The following STK39 variants were observed in gnomAD, a reference collection of about 807,000 sequenced individuals.
The protein encoded by STK39 is STE20/SPS1-related proline-alanine-rich protein kinase.
STK39 carries 20 observed loss-of-function variants against 77.8 expected under a neutral mutation model. The observed-to-expected ratio is 0.26, with a 90% CI of 0.18 to 0.37. STK39 has a LOEUF of 0.37. STK39 is among the 10% of genes least tolerant of loss of function. The probability of loss-of-function intolerance (pLI) is 1.00; values close to 1 mark genes in which losing one functional copy is unlikely to be tolerated. For synonymous variants in STK39, 246 were observed against 234.1 expected, an observed-to-expected ratio of 1.05 and a Z score of -0.47; for missense variants, 479 against 656.5, an observed-to-expected ratio of 0.73 and a Z score of 2.95.
At chr2:168,175,801 A>G (rs1482851203) in intron 2 of STK39, among the ~76,000 whole-genome samples, 1 of 152,204 alleles carries the variant, frequency 6.6e-6, no homozygotes, top group Non-Finnish European at 1.5e-5. Flanking sequence ...AAGTTGCAAG[A>G]AAAAGATAAC....
chr2:168,217,541 T>C (rs898093251), intron 1 of STK39, among the ~76,000 whole-genome samples: 7 of 152,174 alleles, frequency 4.6e-5, no homozygotes, highest in Non-Finnish European at 7.4e-5. Context: ...AAAAAAGATA[T>C]ACAGTTGCCC....
chr2:168,115,962 T>C (rs926093084), intron 10 of STK39, among the ~76,000 whole-genome samples: 3 of 152,190 alleles, frequency 2.0e-5, no homozygotes, highest in African/African-American at 7.2e-5. Flanking sequence ...AAGAAGCCAC[T>C]GAACAGTCTC....
At chr2:168,161,218 T>C (rs961355771) in intron 5 of STK39, among the ~76,000 whole-genome samples, 2 of 152,176 alleles carry the variant, frequency 1.3e-5, no homozygotes, top group South Asian at 4.2e-4. Context: ...AAGGTTACTC[T>C]AGGGCCAATA....
chr2:167,996,056 T>C (rs971462279), intron 16 of STK39, among the ~76,000 whole-genome samples: 1 of 152,124 alleles, frequency 6.6e-6, no homozygotes, highest in African/African-American at 2.4e-5. Context: ...GCTGGTCCTG[T>C]TAATATGTAC....
chr2:168,002,838 G>C (rs60534777), intron 16 of STK39, among the ~76,000 whole-genome samples: 23,863 of 151,966 alleles, frequency 0.16, 2,243 homozygotes, highest in East Asian at 0.41. Context: ...GTTTGTGTTC[G>C]TGTGTGTGTG....
chr2:168,047,284 T>C (rs1321767380), intron 14 of STK39, among the ~76,000 whole-genome samples: 19 of 152,218 alleles, frequency 1.2e-4, no homozygotes, highest in Admixed American at 8.5e-4. Flanking sequence ...TCCTGTGTGA[T>C]TTACAATGTT....
chr2:168,000,587 G>C (rs1683974950), intron 16 of STK39, among the ~76,000 whole-genome samples: 1 of 152,168 alleles, frequency 6.6e-6, no homozygotes, highest in South Asian at 2.1e-4. Flanking sequence ...AAGAATTAGA[G>C]GCAAAATAGT....
rs374027235 is a variant in STK39 at position 168,088,360 on chromosome 2, C to T, written c.1090-13129G>A. On this transcript the variant is annotated intron_variant, in intron 10 of 17. Transcript: ENST00000355999. ...GGCTCTCTGAAAAAGTAGGTCAATA[C>T]ATAGTCAATTTTCAGTGTGGTCTCT... Among the ~76,000 whole-genome samples, 16 of 152,252 alleles carry T rather than the reference C, an allele frequency of 1.1e-4. No homozygotes were observed. In the South Asian group the frequency reaches 2.9e-3, roughly 28 times the overall value.
chr2:168,042,580 T>C (rs549678478), intron 14 of STK39, among the ~76,000 whole-genome samples: 12 of 129,708 alleles, frequency 9.3e-5, no homozygotes, highest in African/African-American at 1.9e-4. Flanking sequence ...CTTCCTTCTT[T>C]TTTTTTTTTT....
chr2:167,966,435 G>A (rs574882839), intron 16 of STK39, among the ~76,000 whole-genome samples: 5 of 152,238 alleles, frequency 3.3e-5, no homozygotes, highest in East Asian at 1.9e-4. Flanking sequence ...TCTGATTTGG[G>A]CTGATTTCAT....
intron 14 of STK39, among the ~76,000 whole-genome samples, chr2:168,041,245 C>A (rs893352237): frequency 6.6e-6 from 1 of 150,980 alleles, no homozygotes; most frequent in African/African-American, 2.4e-5. Flanking sequence ...AAGTCCAACT[C>A]TTGGAGAGGT....
At chr2:168,200,153 T>C (rs1354008555) in intron 1 of STK39, among the ~76,000 whole-genome samples, 1 of 152,210 alleles carries the variant, frequency 6.6e-6, no homozygotes, top group African/African-American at 2.4e-5. Context: ...TTCATGAACT[T>C]TTAAAATCTA....
chr2:168,171,844 G>GCCCCCCCCCCCCCCCCCCCC (rs374055488), intron 2 of STK39, among the ~76,000 whole-genome samples: 2 of 108,640 alleles, frequency 1.8e-5, no homozygotes, highest in Non-Finnish European at 3.6e-5. Flanking sequence ...TCATTTCCAC[G>GCCCCCCCCCCCCCCCCCCCC]CCCCCCCCAC....
chr2:167,983,386 G>A (rs1424559793), intron 16 of STK39, among the ~76,000 whole-genome samples: 1 of 148,706 alleles, frequency 6.7e-6, no homozygotes, highest in Admixed American at 6.9e-5. Context: ...GGCTGAGGCA[G>A]GAGAATCGCT....
At chr2:167,956,413 C>T in intron 17 of STK39, among the ~76,000 whole-genome samples, 1 of 151,954 alleles carries the variant, frequency 6.6e-6, no homozygotes, top group South Asian at 2.1e-4. Context: ...AAAAATTAGC[C>T]AGGTTTGGTG....
chr2:168,216,532 T>A (rs1690028889), intron 1 of STK39, among the ~76,000 whole-genome samples: 1 of 152,212 alleles, frequency 6.6e-6, no homozygotes, highest in Non-Finnish European at 1.5e-5. Flanking sequence ...TCCTTGGCAT[T>A]CCTGCAGGAA....
intron 14 of STK39, among the ~76,000 whole-genome samples, chr2:168,040,067 A>G (rs904234510): frequency 2.6e-5 from 4 of 152,026 alleles, no homozygotes; most frequent in African/African-American, 7.2e-5. Flanking sequence ...CATCCTGTAC[A>G]TTACAATGCC....
chr2:167,990,960 G>A (rs566654204), intron 16 of STK39, among the ~76,000 whole-genome samples: 1 of 152,250 alleles, frequency 6.6e-6, no homozygotes, highest in South Asian at 2.1e-4. Flanking sequence ...AGCCCAAAGT[G>A]GCAAAGACAC....
chr2:168,057,570 G>GCACACA (rs772968206), intron 14 of STK39, among the ~76,000 whole-genome samples: 2 of 151,770 alleles, frequency 1.3e-5, no homozygotes, highest in African/African-American at 4.8e-5. Context: ...GCATGCACGC[G>GCACACA]CACACACACA....
Sources: gnomAD v4.1 joint callset for allele counts (sites outside exome capture counted in the v4.1 genomes callset) on GRCh38, gnomAD v4.1.1 for gene constraint, MANE v1.5 for transcripts, NCBI Gene and HGNC (gene_info 2026-07-23, HGNC 2026-07-21) for gene names.